NELL1: variants seen among roughly 807,000 people sequenced by gnomAD.
The protein encoded by NELL1 is protein kinase C-binding protein NELL1.
In NELL1, 76 loss-of-function variants were observed where a neutral mutation model predicts 107.4. The ratio of observed to expected loss-of-function variants is 0.71; its 90% CI spans 0.59 to 0.86. The LOEUF is 0.86. Among genes scored for constraint, NELL1 ranks in the 40% least tolerant of loss-of-function variants. The pLI, the probability that NELL1 is intolerant of heterozygous loss-of-function variation, is 0.00. For synonymous variants in NELL1, 353 were observed against 341.2 expected, an observed-to-expected ratio of 1.03 and a Z score of -0.38; for missense variants, 1,024 against 1,005.5, an observed-to-expected ratio of 1.02 and a Z score of -0.25.
chr11:20,958,561 A>G (rs1419233267), intron 11 of NELL1, among the ~76,000 whole-genome samples: 1 of 152,212 alleles, frequency 6.6e-6, no homozygotes, highest in Non-Finnish European at 1.5e-5. Context: ...ATGGAATGAC[A>G]TTTTTAAAAT....
At chr11:20,984,587 G>C (rs1204623093) in intron 12 of NELL1, among the ~76,000 whole-genome samples, 1 of 152,062 alleles carries the variant, frequency 6.6e-6, no homozygotes, top group Non-Finnish European at 1.5e-5. Context: ...ACAAATGTTG[G>C]GAAGCTCTTT....
At chr11:21,153,441 T>G (rs943065417) in intron 13 of NELL1, among the ~76,000 whole-genome samples, 1 of 152,120 alleles carries the variant, frequency 6.6e-6, no homozygotes, top group African/African-American at 2.4e-5. Flanking sequence ...TTTCATTAAA[T>G]AAATTATTTA....
At chr11:21,329,050 T>C (rs1243431453) in intron 14 of NELL1, among the ~76,000 whole-genome samples, 1 of 152,140 alleles carries the variant, frequency 6.6e-6, no homozygotes, top group East Asian at 1.9e-4. Flanking sequence ...TGGAGAACTA[T>C]TGGGAAAGGC....
At chr11:21,272,520 T>G (rs1365378413) in intron 14 of NELL1, among the ~76,000 whole-genome samples, 1 of 152,200 alleles carries the variant, frequency 6.6e-6, no homozygotes, top group Non-Finnish European at 1.5e-5. Flanking sequence ...CTCTGCAGAC[T>G]TAAATGTCCC....
chr11:21,272,105 A>C (rs1848751789), intron 14 of NELL1, among the ~76,000 whole-genome samples: 2 of 152,246 alleles, frequency 1.3e-5, no homozygotes, highest in Non-Finnish European at 2.9e-5. Flanking sequence ...AGGGCAAGGC[A>C]TCGCCTCACC....
chr11:21,364,410 CAAAAAAAAAA>C (rs71034511), intron 14 of NELL1, among the ~76,000 whole-genome samples: 2 of 75,616 alleles, frequency 2.6e-5, no homozygotes, highest in East Asian at 5.0e-4. Context: ...GACTCTGTCT[CAAAAAAAAAA>C]AAAAAAAAAA....
chr11:21,092,683 T>C (rs928156670), intron 12 of NELL1, among the ~76,000 whole-genome samples: 1 of 152,142 alleles, frequency 6.6e-6, no homozygotes. Context: ...AAATAGCCAT[T>C]TGTAGAAAAG....
rs142268602 is a variant in NELL1 at position 20,816,750 on chromosome 11, T to C, written c.336-30833T>C. Among the ~76,000 whole-genome samples the C allele has an allele frequency of 3.8e-3, 573 of 152,300 alleles. 10 individuals carry two copies. Among genetic ancestry groups the C allele is most frequent in the Admixed American group, 0.031 (480 of 15,302 alleles). ...AAAGGGAATACCTCCAGTGTTTACC[T>C]GTTCAGAATGTTGTTGGCTGTTGGT... On this transcript the variant is annotated intron_variant, in intron 3 of 19. Coordinates refer to ENST00000357134, the MANE Select transcript of NELL1 (RefSeq NM_006157.5).
intron 15 of NELL1, among the ~76,000 whole-genome samples, chr11:21,486,600 C>G (rs1228657411): frequency 3.3e-5 from 5 of 152,004 alleles, no homozygotes; most frequent in Non-Finnish European, 7.4e-5. Context: ...GAAAGAGACA[C>G]AGTAATTCTC....
intron 12 of NELL1, among the ~76,000 whole-genome samples, chr11:21,068,614 A>G (rs922905864): frequency 6.6e-6 from 1 of 152,162 alleles, no homozygotes; most frequent in African/African-American, 2.4e-5. Flanking sequence ...ACTTGAAAAC[A>G]CATTTGTACG....
intron 15 of NELL1, among the ~76,000 whole-genome samples, chr11:21,440,304 G>GTTTT (rs202069598): frequency 2.6e-5 from 3 of 115,982 alleles, no homozygotes; most frequent in African/African-American, 9.2e-5. Flanking sequence ...ACAAAAGTAA[G>GTTTT]TTTTTTTTTT....
chr11:20,778,410 T>A (rs1403084298), intron 2 of NELL1, among the ~76,000 whole-genome samples: 1 of 151,770 alleles, frequency 6.6e-6, no homozygotes, highest in African/African-American at 2.4e-5. Context: ...AAGAGGGAAA[T>A]GAAGTTGCTT....
chr11:21,232,451 A>G (rs1858088595), intron 14 of NELL1, among the ~76,000 whole-genome samples: 1 of 152,156 alleles, frequency 6.6e-6, no homozygotes, highest in African/African-American at 2.4e-5. Flanking sequence ...TACAAACTAA[A>G]GACTAGTATT....
chr11:21,307,320 A>ATG (rs942287017), intron 14 of NELL1, among the ~76,000 whole-genome samples: 1 of 151,766 alleles, frequency 6.6e-6, no homozygotes, highest in African/African-American at 2.4e-5. Flanking sequence ...CTAACCCTGG[A>ATG]TGTGTGTGTG....
intron 13 of NELL1, among the ~76,000 whole-genome samples, chr11:21,123,792 A>C (rs1460433307): frequency 1.3e-5 from 2 of 152,220 alleles, no homozygotes; most frequent in African/African-American, 4.8e-5. Flanking sequence ...AAAAACTGGA[A>C]GCAGCGTAAA....
At chr11:20,765,873 A>T (rs1856519435) in intron 2 of NELL1, among the ~76,000 whole-genome samples, 1 of 152,244 alleles carries the variant, frequency 6.6e-6, no homozygotes, top group Non-Finnish European at 1.5e-5. Flanking sequence ...CCAAGTGTGC[A>T]TTCCAGCAGT....
intron 15 of NELL1, among the ~76,000 whole-genome samples, chr11:21,477,330 G>A (rs1854362602): frequency 6.6e-6 from 1 of 152,116 alleles, no homozygotes; most frequent in African/African-American, 2.4e-5. Flanking sequence ...TGGGAGCTTA[G>A]CACAGAGAGA....
intron 2 of NELL1, among the ~76,000 whole-genome samples, chr11:20,755,986 G>A (rs1267862170): frequency 1.4e-5 from 2 of 147,690 alleles, no homozygotes; most frequent in Non-Finnish European, 3.0e-5. Context: ...TCTGCCTGCC[G>A]GGTTCATGCC....
At chr11:21,067,326 G>A (rs1274567176) in intron 12 of NELL1, among the ~76,000 whole-genome samples, 1 of 152,100 alleles carries the variant, frequency 6.6e-6, no homozygotes, top group Non-Finnish European at 1.5e-5. Context: ...CTGACTGCTT[G>A]GGAGAGTTAA....
Sources: gnomAD v4.1 joint callset for allele counts (sites outside exome capture counted in the v4.1 genomes callset) on GRCh38, gnomAD v4.1.1 for gene constraint, MANE v1.5 for transcripts, NCBI Gene and HGNC (gene_info 2026-07-23, HGNC 2026-07-21) for gene names.